CDH13: variants seen among roughly 807,000 people sequenced by gnomAD.
CDH13 encodes cadherin 13.
In CDH13, 24 loss-of-function variants were observed where a neutral mutation model predicts 63.8. The observed-to-expected ratio is 0.38, with a 90% CI of 0.27 to 0.53. CDH13 has a LOEUF of 0.53. Among genes scored for constraint, CDH13 ranks in the 20% least tolerant of loss-of-function variants. The pLI is 0.85. For missense variants in CDH13, 1,049 were observed against 903.1 expected, an observed-to-expected ratio of 1.16 and a Z score of -2.07; for synonymous variants, 503 against 355.3, an observed-to-expected ratio of 1.42 and a Z score of -4.67.
chr16:83,767,700 A>C (rs1368270935), intron 11 of CDH13, among the ~76,000 whole-genome samples: 1 of 152,372 alleles, frequency 6.6e-6, no homozygotes, highest in African/African-American at 2.4e-5. Context: ...ACACTGCAAC[A>C]TGTACAACCC....
At chr16:83,061,923 G>C (rs112221019) in intron 3 of CDH13, among the ~76,000 whole-genome samples, 1 of 152,160 alleles carries the variant, frequency 6.6e-6, no homozygotes. Context: ...TGAAGGAGAG[G>C]CCCTCTAGAG....
chr16:83,651,992 G>T (rs1413628783), intron 8 of CDH13, among the ~76,000 whole-genome samples: 1 of 152,188 alleles, frequency 6.6e-6, no homozygotes, highest in Non-Finnish European at 1.5e-5. Flanking sequence ...GAGCCCAGGA[G>T]GGACAGAGAA....
At chr16:83,205,305 G>C (rs1347593382) in intron 4 of CDH13, among the ~76,000 whole-genome samples, 2 of 152,166 alleles carry the variant, frequency 1.3e-5, no homozygotes, top group African/African-American at 2.4e-5. Context: ...TATTCACTGG[G>C]ACAATAAGGG....
At chr16:83,702,843 C>T (rs1906451248) in intron 10 of CDH13, among the ~76,000 whole-genome samples, 1 of 152,162 alleles carries the variant, frequency 6.6e-6, no homozygotes, top group African/African-American at 2.4e-5. Flanking sequence ...TTCAGGGAAC[C>T]ACAAGCCACA....
At chr16:83,511,921 C>A (rs1325362496) in intron 7 of CDH13, among the ~76,000 whole-genome samples, 1 of 152,128 alleles carries the variant, frequency 6.6e-6, no homozygotes, top group African/African-American at 2.4e-5. Context: ...GAAAGGGGCT[C>A]ATAAAAGCAA....
chr16:82,849,254 A>G (rs148316909), intron 1 of CDH13, among the ~76,000 whole-genome samples: 23 of 152,214 alleles, frequency 1.5e-4, no homozygotes, highest in Non-Finnish European at 2.8e-4. Context: ...CTGTGATTCC[A>G]GCACTTTCGG....
chr16:82,925,598 T>A (rs913032823), intron 2 of CDH13, among the ~76,000 whole-genome samples: 17 of 152,128 alleles, frequency 1.1e-4, no homozygotes, highest in Admixed American at 7.2e-4. Context: ...CAGGGGAAGG[T>A]TTTTAGGAAT....
intron 10 of CDH13, among the ~76,000 whole-genome samples, chr16:83,710,748 C>T (rs999875346): frequency 2.6e-5 from 4 of 152,136 alleles, no homozygotes; most frequent in African/African-American, 9.7e-5. Context: ...ATGTGTGAAG[C>T]GCTTAGCACC....
intron 1 of CDH13, among the ~76,000 whole-genome samples, chr16:82,698,545 T>A (rs1434022800): frequency 6.6e-6 from 1 of 152,200 alleles, no homozygotes; most frequent in Admixed American, 6.5e-5. Flanking sequence ...CTTTGCTCCG[T>A]GACTTTCCCA....
At chr16:83,761,725 A>G (rs971748112) in intron 11 of CDH13, among the ~76,000 whole-genome samples, 8 of 152,220 alleles carry the variant, frequency 5.3e-5, no homozygotes, top group Admixed American at 3.3e-4. Context: ...AGCATATTTA[A>G]GAAGGCAGCT....
chr16:83,391,824 T>G (rs11649135), intron 6 of CDH13, among the ~76,000 whole-genome samples: 16,734 of 152,230 alleles, frequency 0.11, 1,175 homozygotes, highest in Non-Finnish European at 0.16. Context: ...TGACACAGGG[T>G]CTGCATTGTG....
At chr16:83,165,915 C>T (rs1222982528) in intron 4 of CDH13, among the ~76,000 whole-genome samples, 3 of 152,022 alleles carry the variant, frequency 2.0e-5, no homozygotes, top group Non-Finnish European at 4.4e-5. Flanking sequence ...AGAAGAGTAG[C>T]CTGGAATCAA....
chr16:83,366,964 A>AT, intron 6 of CDH13, among the ~76,000 whole-genome samples: 1 of 152,132 alleles, frequency 6.6e-6, no homozygotes, highest in South Asian at 2.1e-4. Context: ...ATAACAGCTT[A>AT]TTGCAGTATA....
chr16:83,472,547 A>G (rs1302913993), intron 6 of CDH13, among the ~76,000 whole-genome samples: 1 of 152,118 alleles, frequency 6.6e-6, no homozygotes, highest in Non-Finnish European at 1.5e-5. Flanking sequence ...ACAACCCCAG[A>G]TCCGAGGGAG....
At chr16:83,739,164 C>T (rs901550537) in intron 10 of CDH13, among the ~76,000 whole-genome samples, 8 of 152,234 alleles carry the variant, frequency 5.3e-5, no homozygotes, top group African/African-American at 1.9e-4. Flanking sequence ...ACTGCTTGCG[C>T]GAACAAATGT....
intron 10 of CDH13, among the ~76,000 whole-genome samples, chr16:83,742,004 G>T (rs980679301): frequency 2.6e-5 from 4 of 152,216 alleles, no homozygotes; most frequent in Non-Finnish European, 5.9e-5. Context: ...ACCAGTCCAT[G>T]GTGCCAAAGA....
intron 1 of CDH13, among the ~76,000 whole-genome samples, chr16:82,682,633 A>G (rs8048202): frequency 0.12 from 18,994 of 152,264 alleles, 1,315 homozygotes; most frequent in Middle Eastern, 0.23. Flanking sequence ...GCTTCTGGCA[A>G]TATTTGCCCC....
At chr16:83,784,001 C>T (rs1915710236) in intron 13 of CDH13, among the ~76,000 whole-genome samples, 1 of 152,070 alleles carries the variant, frequency 6.6e-6, no homozygotes, top group Non-Finnish European at 1.5e-5. Context: ...TTGTTTTTAA[C>T]AAATGAATTA....
intron 2 of CDH13, among the ~76,000 whole-genome samples, chr16:83,020,145 G>C (rs1261547065): frequency 6.6e-6 from 1 of 152,132 alleles, no homozygotes; most frequent in Admixed American, 6.5e-5. Flanking sequence ...TGTGGCACAT[G>C]ACCGAATTTG....
Sources: gnomAD v4.1 joint callset for allele counts (sites outside exome capture counted in the v4.1 genomes callset) on GRCh38, gnomAD v4.1.1 for gene constraint, MANE v1.5 for transcripts, NCBI Gene and HGNC (gene_info 2026-07-23, HGNC 2026-07-21) for gene names.